The following NET1 variants were observed in gnomAD, a reference collection of about 807,000 sequenced individuals.
NET1 encodes neuroepithelial cell-transforming gene 1 protein.
In NET1, 42 loss-of-function variants were observed where a neutral mutation model predicts 61.1. The ratio of observed to expected loss-of-function variants is 0.69; its 90% confidence interval spans 0.54 to 0.89. The LOEUF is 0.89. NET1 is among the 40% of genes least tolerant of loss of function. NET1 has a pLI of 0.00. For synonymous variants in NET1, 254 were observed against 281.8 expected (o/e 0.90, Z 0.99); for missense variants, 654 against 747.3 (o/e 0.88, Z 1.46).
Position 5,435,311 on chromosome 10 carries a change from T to C in NET1, c.255+6082T>C, listed in dbSNP as rs1200914980. On this transcript the variant is annotated intron_variant, in intron 3 of 11. Coordinates refer to ENST00000355029, the MANE Select transcript of NET1 (RefSeq NM_001047160.3). The surrounding 1 kb of genome is among the most constrained non-coding windows in gnomAD (Gnocchi z 5.0). The stretch of plus-strand genomic sequence containing the variant: ...CTCATGTATAGCTAGAGTTAAAAAC[T>C]AGAATGTGACATTCTTAAAGTTATT... Among the ~76,000 whole-genome samples the C allele has an allele frequency of 6.6e-6, 1 of 152,210 alleles. No individual in the cohort carries two copies. The highest frequency in any genetic ancestry group is 1.5e-5 in the Non-Finnish European group (1 of 68,026).
intron 3 of NET1, 130 bp downstream of exon 3, chr10:5,429,359 C>A (rs891429892): frequency 4.7e-6 from 3 of 641,894 alleles, no homozygotes; most frequent in Non-Finnish European, 8.1e-6. Context: ...TTTGTAAGTG[C>A]AAAAGTGAAT....
chr10:5,458,099 G>A lies in NET1; in HGVS notation c.*1105G>A, dbSNP rs988892744. On this transcript the variant is annotated 3_prime_UTR_variant, in exon 12 of 12. Coordinates refer to ENST00000355029, the MANE Select transcript of NET1 (RefSeq NM_001047160.3). This position sits in a 1 kb window ranked among gnomAD's most constrained non-coding sequence, Gnocchi z 4.5. ...TAAGTTGTAGAAGGCTCGAGGGGAC[G>A]TGGACTTATTTGCCTTGGTTTGCAA... The A allele has an allele frequency of 6.6e-6, 1 of 152,146 alleles. No individual in the cohort carries two copies. Among genetic ancestry groups the A allele is most frequent in the African/African-American group, 2.4e-5 (1 of 41,446 alleles). The allele number at this position is 152,146 out of a possible 1,614,324, so 9.4% of individuals were successfully genotyped here.
chr10:5,415,291 C>A lies in NET1; in HGVS notation c.128+2471C>A, dbSNP rs138879371. Among the ~76,000 whole-genome samples the A allele has an allele frequency of 1.5e-3, 223 of 152,286 alleles. 1 individual carries two copies. Among genetic ancestry groups the A allele is most frequent in the African/African-American group, 4.7e-3 (194 of 41,546 alleles). On this transcript the variant is annotated intron_variant, in intron 1 of 11. Transcript: ENST00000355029. This position sits in a 1 kb window ranked among gnomAD's most constrained non-coding sequence, Gnocchi z 4.7. ...AACATTTTCATCACCTCAAAAAGAGCATTTGTACCCTTTAGCTATTGTTCC... is the reference window on the plus strand; with the variant it reads ...AACATTTTCATCACCTCAAAAAGAGAATTTGTACCCTTTAGCTATTGTTCC...
intron 3 of NET1, among the ~76,000 whole-genome samples, chr10:5,450,163 T>A (rs1025231724): frequency 6.6e-6 from 1 of 152,234 alleles, no homozygotes; most frequent in Non-Finnish European, 1.5e-5. Flanking sequence ...AGGTTTCTTT[T>A]GCAGTTAGTT....
intron 3 of NET1, among the ~76,000 whole-genome samples, chr10:5,430,193 A>G (rs1411234527): frequency 6.6e-6 from 1 of 152,198 alleles, no homozygotes. Context: ...GATTATTTTT[A>G]GGTATGTTTC....
Position 5,456,869 on chromosome 10 carries a change from T to C in NET1, c.1666T>C (p.Cys556Arg). The C allele has an allele frequency of 6.2e-7, 1 of 1,614,128 alleles. No individual in the cohort carries two copies. The highest frequency in any genetic ancestry group is 8.5e-7 in the Non-Finnish European group (1 of 1,180,016). Reference protein sequence around the residue: ...QVEVDENAYRCGSGMQMAEDS... With the variant: ...QVEVDENAYRRGSGMQMAEDS... ...AGAAGTTGATGAAAACGCTTACAGA[T>C]GTGGCTCTGGCATGCAGATGGCAGA... Residue 556 changes from cysteine to arginine, a missense_variant, in exon 12 of 12, where the codon TGT (cysteine) becomes CGT (arginine). Cys to Arg is a radical substitution (Grantham distance 180). Transcript: ENST00000355029. This position sits in a 1 kb window ranked among gnomAD's most constrained non-coding sequence, Gnocchi z 7.0.
At position 5,439,991 on chromosome 10, in the gene NET1, T is replaced by C. The variant is rs562281307; in HGVS notation, c.255+10762T>C. The stretch of plus-strand genomic sequence containing the variant: ...TAGAAGATGCAAGGTGCAACACCTG[T>C]CCTTTCCTGTAGCGGGGAGATCCCA... On this transcript the variant is annotated intron_variant, in intron 3 of 11. Transcript: ENST00000355029. This position sits in a 1 kb window ranked among gnomAD's most constrained non-coding sequence, Gnocchi z 4.8. Among the ~76,000 whole-genome samples the C allele has an allele frequency of 6.6e-6, 1 of 152,334 alleles. No homozygotes were observed. Among genetic ancestry groups the C allele is most frequent in the South Asian group, 2.1e-4 (1 of 4,834 alleles).
At position 5,449,614 on chromosome 10, in the gene NET1, T is replaced by C. The variant is rs1832672597; in HGVS notation, c.256-2216T>C. 6.6e-6 allele frequency among the ~76,000 whole-genome samples: 1 copy of C among 152,204 alleles called. No homozygotes were observed. Among genetic ancestry groups the C allele is most frequent in the Non-Finnish European group, 1.5e-5 (1 of 68,038 alleles). Reference sequence around the variant, plus strand: ...CTTTAGATATATTTACATTCACTTATCTAAATCTAAATTCTGTAGTTTTAA... The same window carrying C: ...CTTTAGATATATTTACATTCACTTACCTAAATCTAAATTCTGTAGTTTTAA... On this transcript the variant is annotated intron_variant, in intron 3 of 11. Transcript: ENST00000355029. This position sits in a 1 kb window ranked among gnomAD's most constrained non-coding sequence, Gnocchi z 4.4.
Position 5,435,008 on chromosome 10 carries a change from G to T in NET1, c.255+5779G>T, listed in dbSNP as rs1385798005. On this transcript the variant is annotated intron_variant, in intron 3 of 11. Coordinates refer to ENST00000355029, the MANE Select transcript of NET1 (RefSeq NM_001047160.3). The surrounding 1 kb of genome is among the most constrained non-coding windows in gnomAD (Gnocchi z 5.0). ...GAAAAGCCTGCTCAGTACAAATAGT[G>T]AATCAAACAAAAGGCTTGAAGTTCT... Among the ~76,000 whole-genome samples the T allele has an allele frequency of 6.6e-6, 1 of 152,136 alleles. No homozygotes were observed. The highest frequency in any genetic ancestry group is 1.5e-5 in the Non-Finnish European group (1 of 68,012).
chr10:5,425,234 G>A (rs1832241131), intron 1 of NET1, among the ~76,000 whole-genome samples: 1 of 149,608 alleles, frequency 6.7e-6, no homozygotes, highest in African/African-American at 2.5e-5. Context: ...CTTATAGCCA[G>A]TTTCCTTTGT....
intron 1 of NET1, among the ~76,000 whole-genome samples, chr10:5,414,608 T>C (rs1227211676): frequency 1.3e-5 from 2 of 152,212 alleles, no homozygotes; most frequent in Admixed American, 1.3e-4. Flanking sequence ...AAGAGAAGTT[T>C]CACTGCAACA....
rs1293423040 is a variant in NET1 at position 5,415,703 on chromosome 10, T to G, written c.128+2883T>G. 1.3e-5 allele frequency among the ~76,000 whole-genome samples: 2 copies of G among 152,218 alleles called. No homozygotes were observed. Among genetic ancestry groups the G allele is most frequent in the Non-Finnish European group, 2.9e-5 (2 of 68,044 alleles). ...ATTTGCCTGCCTCGGCCTCCCAAAG[T>G]GCTGGGATTACAGGCGTGAGCCACC... On this transcript the variant is annotated intron_variant, in intron 1 of 11. Transcript: ENST00000355029. The surrounding 1 kb of genome is among the most constrained non-coding windows in gnomAD (Gnocchi z 4.7).
In NET1 at chr10:5,456,176, G is replaced by A; in HGVS notation, c.1287G>A (p.Gln429=). ...NERHSYQVYR[Q]PIPVQELVLE... ...GGCACTCTTACCAGGTTTACCGGCA[G>A]CCAATCCCAGTCCAAGAGCTAGTCC... Residue 429 remains glutamine (Q), a synonymous_variant, in exon 11 of 12, where the codon CAG becomes CAA. Coordinates refer to ENST00000355029, the MANE Select transcript of NET1 (RefSeq NM_001047160.3). This position sits in a 1 kb window ranked among gnomAD's most constrained non-coding sequence, Gnocchi z 7.0. 6.2e-7 allele frequency: 1 copy of A among 1,614,194 alleles called. No homozygotes were observed. Among genetic ancestry groups the A allele is most frequent in the Non-Finnish European group, 8.5e-7 (1 of 1,180,044 alleles).
In NET1 at chr10:5,412,611, C is replaced by T; in HGVS notation, c.-82C>T. On this transcript the variant is annotated 5_prime_UTR_variant, in exon 1 of 12. Transcript: ENST00000355029. This position sits in a 1 kb window ranked among gnomAD's most constrained non-coding sequence, Gnocchi z 6.5. ...CAGTCCGCTGACAGGCGCTTTCTGC[C>T]TGGCAGAGGCTGGCGGGCATCGTGC... The T allele has an allele frequency of 7.2e-7, 1 of 1,390,030 alleles. No homozygotes were observed. The highest frequency in any genetic ancestry group is 9.3e-7 in the Non-Finnish European group (1 of 1,073,694). 86.1% of individuals were successfully genotyped at this position (1,390,030 alleles called of 1,614,324 possible).
chr10:5,451,739 T>C lies in NET1; in HGVS notation c.256-91T>C. 1 of 864,326 alleles carries C rather than the reference T, an allele frequency of 1.2e-6. No homozygotes were observed. The highest frequency in any genetic ancestry group is 1.8e-6 in the Non-Finnish European group (1 of 557,804). The allele number at this position is 864,326 out of a possible 1,614,324, so 53.5% of individuals were successfully genotyped here. A position where few individuals can be genotyped will look rare whatever the true frequency, so the allele number is the denominator to read the frequency against. On this transcript the variant is annotated intron_variant, in intron 3 of 11. Coordinates refer to ENST00000355029, the MANE Select transcript of NET1 (RefSeq NM_001047160.3). The surrounding 1 kb of genome is among the most constrained non-coding windows in gnomAD (Gnocchi z 6.1). Reference sequence around the variant, plus strand: ...TTCTGTATTTTATAATGTACAAAAATTGTTTTGTGAGAGGGCTTTACTTTG... The same window carrying C: ...TTCTGTATTTTATAATGTACAAAAACTGTTTTGTGAGAGGGCTTTACTTTG...
In NET1 at chr10:5,423,986, G is replaced by T. The variant is rs557811490; in HGVS notation, c.129-2669G>T. Reference sequence around the variant, plus strand: ...AGCTGGTTACAGATACTGCTGGAAAGAATTTTATCATATGATTGGAAATAT... The same window carrying T: ...AGCTGGTTACAGATACTGCTGGAAATAATTTTATCATATGATTGGAAATAT... On this transcript the variant is annotated intron_variant, in intron 1 of 11. Coordinates refer to ENST00000355029, the MANE Select transcript of NET1 (RefSeq NM_001047160.3). This position sits in a 1 kb window ranked among gnomAD's most constrained non-coding sequence, Gnocchi z 4.4. Among the ~76,000 whole-genome samples the T allele has an allele frequency of 1.3e-5, 2 of 152,198 alleles. No homozygotes were observed. Among genetic ancestry groups the T allele is most frequent in the South Asian group, 4.1e-4 (2 of 4,824 alleles).
chr10:5,456,252 G>A lies in NET1; in HGVS notation c.1363G>A (p.Ala455Thr). 2 of 1,611,902 alleles carry A rather than the reference G, an allele frequency of 1.2e-6. No homozygotes were observed. The highest frequency in any genetic ancestry group is 1.1e-5 in the South Asian group (1 of 90,472). ...GAGAATGGGAGGCTCCTTTCGAGGA[G>A]CTTTCAGTAACTCAGAGAAAGGTAA... ...DVRMGGSFRG[A>T]FSNSEKAKNI... The change falls in exon 11 of 12, where the codon GCT (alanine) becomes ACT (threonine). Residue 455 changes from alanine to threonine, a missense_variant. By Grantham distance (58) the Ala-to-Thr change is moderately conservative (BLOSUM62 0). Coordinates refer to ENST00000355029, the MANE Select transcript of NET1 (RefSeq NM_001047160.3). The surrounding 1 kb of genome is among the most constrained non-coding windows in gnomAD (Gnocchi z 7.0).
Position 5,444,308 on chromosome 10 carries a change from A to G in NET1, c.256-7522A>G, listed in dbSNP as rs1832571154. Among the ~76,000 whole-genome samples, 1 of 152,232 alleles carries G rather than the reference A, an allele frequency of 6.6e-6. No homozygotes were observed. Among genetic ancestry groups the G allele is most frequent in the Admixed American group, 6.5e-5 (1 of 15,290 alleles). On this transcript the variant is annotated intron_variant, in intron 3 of 11. Transcript: ENST00000355029. The surrounding 1 kb of genome is among the most constrained non-coding windows in gnomAD (Gnocchi z 5.3). ...TATTACCACATCTCGTGTATAAAAC[A>G]CACATAGCTACAGAAGGGCAGTGGT... is the stretch of plus-strand genomic sequence containing the variant.
In NET1 at chr10:5,437,920, G is replaced by A. The variant is rs926646385; in HGVS notation, c.255+8691G>A. On this transcript the variant is annotated intron_variant, in intron 3 of 11. Transcript: ENST00000355029. This position sits in a 1 kb window ranked among gnomAD's most constrained non-coding sequence, Gnocchi z 4.3. ...TACAGACTAATTTTTTTAACACAGA[G>A]AGTGAAACTAAAAAGCAGTAACAAA... is the stretch of plus-strand genomic sequence containing the variant. Among the ~76,000 whole-genome samples, 64 of 152,014 alleles carry A rather than the reference G, an allele frequency of 4.2e-4. 1 individual carries two copies. Among genetic ancestry groups the A allele is most frequent in the Non-Finnish European group, 1.2e-4 (8 of 67,994 alleles).
Sources: allele counts gnomAD v4.1 joint callset (sites outside exome capture counted in the v4.1 genomes callset), GRCh38; gene constraint gnomAD v4.1.1; non-coding constraint Gnocchi (gnomAD v3.1); transcripts MANE v1.5; gene names NCBI Gene and HGNC (gene_info 2026-07-23, HGNC 2026-07-21).